The following DNTTIP1 variants were observed in gnomAD, a reference collection of about 807,000 sequenced individuals.
The protein encoded by DNTTIP1 is deoxynucleotidyltransferase terminal interacting protein 1.
In DNTTIP1, 22 loss-of-function variants were observed where a neutral mutation model predicts 52.9. That is an observed-to-expected ratio of 0.42 (90% CI 0.30 to 0.59). The LOEUF (loss-of-function observed/expected upper bound fraction) is 0.59. DNTTIP1 is among the 20% of genes least tolerant of loss of function. The pLI, the probability that DNTTIP1 is intolerant of heterozygous loss-of-function variation, is 0.22. For synonymous variants in DNTTIP1, 136 were observed against 155.1 expected (o/e 0.88, Z 0.92); for missense variants, 286 against 435.5 (o/e 0.66, Z 3.06).
At chr20:45,801,269 G>C (rs1601028847) in intron 5 of DNTTIP1, 127 bp downstream of exon 5, 1 of 1,378,640 alleles carries the variant, frequency 7.3e-7, no homozygotes, top group African/African-American at 1.4e-5. Flanking sequence ...ACAGCATCAT[G>C]CTGGATGGGC....
rs139834669 is a variant in DNTTIP1, at chr20:45,793,961, G to A, written c.217G>A (p.Val73Ile). 254 of 1,601,978 alleles carry A rather than the reference G, an allele frequency of 1.6e-4. No homozygotes were observed. The highest frequency in any genetic ancestry group is 2.0e-4 in the Non-Finnish European group (235 of 1,174,320). Residue 73 changes from valine (V) to isoleucine (I), a missense_variant, in exon 3 of 13, where the codon GTC becomes ATC. Around this residue, in one of 2 missense-constraint regions of DNTTIP1, gnomAD observed 208 missense variants for 266.5 expected, o/e 0.78. Transcript: ENST00000372622. ...CATCTCCATGGATCTCCTCCGAGCT[G>A]TCCTGCAGCCCAGCATCAACGAGGA... ...PAISMDLLRA[V>I]LQPSINEEIQ...
chr20:45,800,256 A>G (rs1212949197), intron 4 of DNTTIP1, among the ~76,000 whole-genome samples: 1 of 152,176 alleles, frequency 6.6e-6, no homozygotes, highest in Non-Finnish European at 1.5e-5. Context: ...CATTAATAGT[A>G]GTTTATGTAA....
At position 45,801,608 on chromosome 20, in the gene DNTTIP1, G is replaced by C. The variant is rs151015668; in HGVS notation, c.498+150G>C. The C allele has an allele frequency of 4.5e-5, 34 of 755,636 alleles. No individual in the cohort carries two copies. In the East Asian group the frequency reaches 8.5e-4, roughly 19 times the overall value. 46.8% of individuals were successfully genotyped at this position (755,636 alleles called of 1,614,324 possible). Reference sequence around the variant, plus strand: ...TTTTGAGACCAGTCTGGGTAACATAGTGAGACCCTGTCTCTAAAATAAAAA... The same window carrying C: ...TTTTGAGACCAGTCTGGGTAACATACTGAGACCCTGTCTCTAAAATAAAAA... On this transcript the variant is annotated intron_variant, in intron 6 of 12. Coordinates refer to ENST00000372622, the MANE Select transcript of DNTTIP1 (RefSeq NM_052951.3).
chr20:45,801,705 C>G (rs139155505), intron 6 of DNTTIP1, among the ~76,000 whole-genome samples: 1 of 152,164 alleles, frequency 6.6e-6, no homozygotes, highest in Admixed American at 6.5e-5. Context: ...GGAGGATCAC[C>G]TGAGCCCAGG....
chr20:45,800,978 A>C, intron 4 of DNTTIP1, 96 bp from the exon 5 acceptor site: 1 of 1,043,842 alleles, frequency 9.6e-7, no homozygotes. Context: ...TGAGCAACAG[A>C]GCAAGACTCT....
intron 4 of DNTTIP1, among the ~76,000 whole-genome samples, chr20:45,797,704 T>C (rs543841638): frequency 6.6e-6 from 1 of 152,254 alleles, no homozygotes; most frequent in South Asian, 2.1e-4. Context: ...AAGAAGACAT[T>C]TATGCAGCCA....
chr20:45,795,555 G>A, intron 4 of DNTTIP1, 112 bp downstream of exon 4: 2 of 629,324 alleles, frequency 3.2e-6, no homozygotes, highest in Non-Finnish European at 5.4e-6. Flanking sequence ...TCCCAGCACT[G>A]TGGGAGGCCA....
At position 45,809,264 on chromosome 20, in the gene DNTTIP1, A is replaced by G; in HGVS notation, c.795+79A>G. On this transcript the variant is annotated intron_variant, in intron 11 of 12. Coordinates refer to ENST00000372622, the MANE Select transcript of DNTTIP1 (RefSeq NM_052951.3). This position sits in a 1 kb window ranked among gnomAD's most constrained non-coding sequence, Gnocchi z 4.2. Reference sequence around the variant, plus strand: ...GGATTTTGGCTGTGGGTGACAGCCTACCTCCAAATCTGACTTCCAAAGCCT... The same window carrying G: ...GGATTTTGGCTGTGGGTGACAGCCTGCCTCCAAATCTGACTTCCAAAGCCT... The G allele has an allele frequency of 1.3e-5, 16 of 1,278,488 alleles. No homozygotes were observed. Among genetic ancestry groups the G allele is most frequent in the Non-Finnish European group, 1.8e-5 (16 of 879,598 alleles). The allele number at this position is 1,278,488 out of a possible 1,614,324, so 79.2% of individuals were successfully genotyped here.
intron 4 of DNTTIP1, among the ~76,000 whole-genome samples, chr20:45,795,763 C>T (rs150383136): frequency 6.6e-6 from 1 of 152,294 alleles, no homozygotes; most frequent in Non-Finnish European, 1.5e-5. Flanking sequence ...GGCACCACTA[C>T]ACTCCAGCCT....
Position 45,792,658 on chromosome 20 carries a change from G to A in DNTTIP1, c.106-19G>A, listed in dbSNP as rs1568703887. The A allele has an allele frequency of 1.3e-6, 2 of 1,580,768 alleles. No individual in the cohort carries two copies. The highest frequency in any genetic ancestry group is 1.4e-5 in the African/African-American group (1 of 73,440). ...AGTGTCACAGGCCGCAGTGACATTT[G>A]TTCCGTTGGTCCCCACAGAACCCTT... On this transcript the variant is annotated intron_variant, in intron 1 of 12. Transcript: ENST00000372622.
At position 45,795,369 on chromosome 20, in the gene DNTTIP1, G is replaced by T; in HGVS notation, c.298G>T (p.Val100Leu). ...GTTCTTCCAGAAGGCAGCACTGAAC[G>T]TGCGAGACAATGTTGGGGAGGAGGT... ...MKFFQKAALN[V>L]RDNVGEEVDA... is the part of the protein sequence containing the mutation. The change falls in exon 4 of 13, where the codon GTG becomes TTG. Residue 100 changes from valine (V) to leucine (L), a missense_variant. Physicochemically the swap from Val to Leu is conservative, Grantham distance 32 (BLOSUM62 1). Coordinates refer to ENST00000372622, the MANE Select transcript of DNTTIP1 (RefSeq NM_052951.3). 6.2e-7 allele frequency: 1 copy of T among 1,610,800 alleles called. No homozygotes were observed. The highest frequency in any genetic ancestry group is 8.5e-7 in the Non-Finnish European group (1 of 1,178,364).
intron 10 of DNTTIP1, 110 bp downstream of exon 10, chr20:45,805,476 G>A: frequency 8.1e-7 from 1 of 1,234,494 alleles, no homozygotes. Context: ...CAGGACATCT[G>A]GGTTCTAGTT....
intron 4 of DNTTIP1, among the ~76,000 whole-genome samples, chr20:45,798,137 G>A (rs1029616497): frequency 1.6e-4 from 24 of 152,140 alleles, no homozygotes; most frequent in African/African-American, 3.6e-4. Flanking sequence ...ATATACCATG[G>A]AATACTATGC....
At chr20:45,806,800 T>C (rs1981665748) in intron 10 of DNTTIP1, among the ~76,000 whole-genome samples, 1 of 152,244 alleles carries the variant, frequency 6.6e-6, no homozygotes, top group African/African-American at 2.4e-5. Context: ...GTCGTCACTC[T>C]TGCTATTCCC....
chr20:45,801,020 G>A (rs996625427), intron 4 of DNTTIP1, 54 bp from the exon 5 acceptor site: 1 of 1,474,040 alleles, frequency 6.8e-7, no homozygotes, highest in Admixed American at 1.7e-5. Flanking sequence ...AGTAGGTAGG[G>A]TGTGCTTACC....
chr20:45,795,436 T>A lies in DNTTIP1; in HGVS notation c.365T>A (p.Leu122Gln). ...ATCCAGGAAGCCTGTCGGAGCTGCCTGGAGCAGGTGAGACCAAAGGGGACA... is the reference window on the plus strand; with the variant it reads ...ATCCAGGAAGCCTGTCGGAGCTGCCAGGAGCAGGTGAGACCAAAGGGGACA... The part of the protein sequence containing the change: ...QLIQEACRSC[L>Q]EQAKLLFSDG... The change falls in exon 4 of 13, where the codon CTG (leucine) becomes CAG (glutamine). Residue 122 changes from leucine (L) to glutamine (Q), a missense_variant. Physicochemically the swap from Leu to Gln is moderately radical, Grantham distance 113. Coordinates refer to ENST00000372622, the MANE Select transcript of DNTTIP1 (RefSeq NM_052951.3). The A allele has an allele frequency of 6.2e-7, 1 of 1,603,116 alleles. No homozygotes were observed. Among genetic ancestry groups the A allele is most frequent in the East Asian group, 2.2e-5 (1 of 44,490 alleles).
Position 45,792,104 on chromosome 20 carries a change from C to G in DNTTIP1, c.100C>G (p.Leu34Val), listed in dbSNP as rs1174230424. Reference sequence around the variant, plus strand: ...TGCGGGCGCAGCGGGGCAGCTGGTTCTTACGGTGAGGGCGCCCCCGGTGAG... The same window carrying G: ...TGCGGGCGCAGCGGGGCAGCTGGTTGTTACGGTGAGGGCGCCCCCGGTGAG... ...GDAGAAGQLV[L>V]TNPWNIMIKH... Residue 34 changes from leucine to valine, a missense_variant, in exon 1 of 13, where the codon CTT (leucine) becomes GTT (valine). Transcript: ENST00000372622. 6 of 1,282,494 alleles carry G rather than the reference C, an allele frequency of 4.7e-6. No individual in the cohort carries two copies. In the African/African-American group the frequency reaches 6.1e-5, roughly 13 times the overall value. 79.4% of individuals were successfully genotyped at this position (1,282,494 alleles called of 1,614,324 possible). A position where few individuals can be genotyped will look rare whatever the true frequency, so the allele number is the denominator to read the frequency against.
intron 5 of DNTTIP1, 32 bp from the exon 6 acceptor site, chr20:45,801,370 C>T (rs1040968030): frequency 6.2e-7 from 1 of 1,612,546 alleles, no homozygotes; most frequent in East Asian, 2.2e-5. Flanking sequence ...CAGGCACTGG[C>T]CTTCCACTGA....
chr20:45,807,184 G>A (rs942668433), intron 10 of DNTTIP1, among the ~76,000 whole-genome samples: 5 of 151,748 alleles, frequency 3.3e-5, no homozygotes, highest in East Asian at 1.9e-4. Flanking sequence ...GTGCAGTGGC[G>A]CGATCTCAGC....
Sources: allele counts gnomAD v4.1 joint callset (sites outside exome capture counted in the v4.1 genomes callset), GRCh38; gene constraint gnomAD v4.1.1; regional missense constraint gnomAD v4.1.1; non-coding constraint Gnocchi (gnomAD v3.1); transcripts MANE v1.5; gene names NCBI Gene and HGNC (gene_info 2026-07-23, HGNC 2026-07-21).